Variants in SECTM1 observed in about 807,000 individuals in gnomAD.
SECTM1 encodes secreted and transmembrane 1.
In SECTM1, 10 loss-of-function variants were observed where a neutral mutation model predicts 18.1. That is an observed-to-expected ratio of 0.55 (90% CI 0.34 to 0.94). The LOEUF is 0.94. Ranked by LOEUF, SECTM1 falls within the 40% of genes least tolerant of loss-of-function variation. SECTM1 has a pLI of 0.02. For synonymous variants in SECTM1, 137 were observed against 139.2 expected (o/e 0.98, Z 0.11); for missense variants, 297 against 322.6 (o/e 0.92, Z 0.61).
In SECTM1 at chr17:82,324,640, G is replaced by A. The variant is rs1430008793; in HGVS notation, c.345C>T (p.Tyr115=). ...TCTGGTGTCCCACGAGGTGCCACAT[G>A]TACAGCCCAGCATGGGAGTCCCGGG... ...KGARDSHAGL[Y]MWHLVGHQRN... The change falls in exon 3 of 5, where the codon TAC becomes TAT. Residue 115 remains tyrosine, a synonymous_variant. Transcript: ENST00000269389. 1.9e-6 allele frequency: 3 copies of A among 1,613,394 alleles called. No individual in the cohort carries two copies. Among genetic ancestry groups the A allele is most frequent in the East Asian group, 2.2e-5 (1 of 44,864 alleles).
Position 82,324,826 on chromosome 17 carries a change from C to T in SECTM1, c.159G>A (p.Met53Ile). The T allele has an allele frequency of 1.2e-6, 2 of 1,614,092 alleles. No individual in the cohort carries two copies. Among genetic ancestry groups the T allele is most frequent in the South Asian group, 1.1e-5 (1 of 91,074 alleles). ...VSVSWGENTV[M>I]SCNISNAFSH... Reference sequence around the variant, plus strand: ...AGAAGGCGTTGGAGATGTTGCAGGACATGACGGTGTTCTCGCCCCAAGACA... The same window carrying T: ...AGAAGGCGTTGGAGATGTTGCAGGATATGACGGTGTTCTCGCCCCAAGACA... The change falls in exon 3 of 5, where the codon ATG becomes ATA. Residue 53 changes from methionine to isoleucine, a missense_variant. By Grantham distance (10) the Met-to-Ile change is conservative. Transcript: ENST00000269389.
At chr17:82,323,135 G>A (rs1229088271) in intron 3 of SECTM1, 124 bp from the exon 4 acceptor site, 11 of 1,186,748 alleles carry the variant, frequency 9.3e-6, no homozygotes, top group South Asian at 7.7e-5. Context: ...CTTGGAAGAC[G>A]GCACCGCCGT....
intron 1 of SECTM1, among the ~76,000 whole-genome samples, chr17:82,331,011 T>G (rs1158504435): frequency 6.6e-6 from 1 of 152,138 alleles, no homozygotes; most frequent in Non-Finnish European, 1.5e-5. Flanking sequence ...CGGTCCTCCC[T>G]TCCTCCCAGC....
rs146378481 is a variant in SECTM1 at position 82,324,468 on chromosome 17, CTCT to C, written c.403+111_403+113del. On this transcript the variant is annotated intron_variant, in intron 3 of 4. Coordinates refer to ENST00000269389, the MANE Select transcript of SECTM1 (RefSeq NM_003004.3). ...CTCCTGGCAGCCCGGCTCATGCCTG[CTCT>C]TCTTCCTCCTCCTTCCCTCTCAGTC... 12,850 of 1,156,184 alleles carry C rather than the reference CTCT, an allele frequency of 0.011. 928 individuals are homozygous for C. The African/African-American group carries it at 0.16, about 14-fold the overall frequency. The allele number at this position is 1,156,184 out of a possible 1,614,324, so 71.6% of individuals were successfully genotyped here.
chr17:82,333,870 G>A (rs2052214469), upstream of SECTM1: 1 of 152,282 alleles, frequency 6.6e-6, no homozygotes, highest in Admixed American at 6.5e-5. Flanking sequence ...CCAAGTTTCG[G>A]GAACCACCCG....
intron 3 of SECTM1, 90 bp downstream of exon 3, chr17:82,324,492 C>G: frequency 7.9e-7 from 1 of 1,264,112 alleles, no homozygotes; most frequent in South Asian, 1.5e-5. Context: ...CCTTCCCTCT[C>G]AGTCTCAGCC....
intron 3 of SECTM1, 146 bp from the exon 4 acceptor site, chr17:82,323,157 T>G: frequency 1.0e-6 from 1 of 960,058 alleles, no homozygotes; most frequent in Non-Finnish European, 1.5e-6. Context: ...GCCCAGGAGG[T>G]ACAGGGGTGG....
In SECTM1 at chr17:82,326,022, G is replaced by A. The variant is rs1227599875; in HGVS notation, c.94+1125C>T. Among the ~76,000 whole-genome samples, 1 of 152,226 alleles carries A rather than the reference G, an allele frequency of 6.6e-6. No individual in the cohort carries two copies. The highest frequency in any genetic ancestry group is 6.5e-5 in the Admixed American group (1 of 15,292). ...TGAGTTTCCTCTGACGAGCAGGCTG[G>A]CTGCCTGCCTGGACGCTCTGAGTGT... is the stretch of plus-strand genomic sequence containing the variant. On this transcript the variant is annotated intron_variant, in intron 2 of 4. Coordinates refer to ENST00000269389, the MANE Select transcript of SECTM1 (RefSeq NM_003004.3). The surrounding 1 kb of genome is among the most constrained non-coding windows in gnomAD (Gnocchi z 4.3).
In SECTM1 at chr17:82,326,240, G is replaced by A. The variant is rs534417019; in HGVS notation, c.94+907C>T. On this transcript the variant is annotated intron_variant, in intron 2 of 4. Transcript: ENST00000269389. This position sits in a 1 kb window ranked among gnomAD's most constrained non-coding sequence, Gnocchi z 4.3. ...TTCAGTTTTGTTTTGTTTTTTGTTC[G>A]TTCTTAGGATTCTGACTGAACTGCT... Among the ~76,000 whole-genome samples, 3 of 152,272 alleles carry A rather than the reference G, an allele frequency of 2.0e-5. No homozygotes were observed. The highest frequency in any genetic ancestry group is 2.4e-5 in the African/African-American group (1 of 41,540).
intron 1 of SECTM1, among the ~76,000 whole-genome samples, chr17:82,327,694 C>T (rs548772172): frequency 6.6e-6 from 1 of 152,286 alleles, no homozygotes; most frequent in East Asian, 1.9e-4. Flanking sequence ...CAGCCCCAGC[C>T]CCTCACCAAC....
rs553098842 is a variant in SECTM1, at chr17:82,325,987, C to T, written c.95-1097G>A. The stretch of plus-strand genomic sequence containing the variant: ...GTGGGCTTCAGGGGCACCTGGCCTT[C>T]GGGCTGGACTGAGTTTCCTCTGACG... On this transcript the variant is annotated intron_variant, in intron 2 of 4. Transcript: ENST00000269389. The surrounding 1 kb of genome is among the most constrained non-coding windows in gnomAD (Gnocchi z 7.6). Among the ~76,000 whole-genome samples, 2 of 152,362 alleles carry T rather than the reference C, an allele frequency of 1.3e-5. No individual in the cohort carries two copies. The highest frequency in any genetic ancestry group is 2.1e-4 in the South Asian group (1 of 4,828).
Position 82,326,828 on chromosome 17 carries a change from G to A in SECTM1, c.94+319C>T, listed in dbSNP as rs1355391852. ...GCAACTGACCCAGACCCTCTCCCTT[G>A]GAAACTGGTCGTGATCTTGGTCCTT... On this transcript the variant is annotated intron_variant, in intron 2 of 4. Coordinates refer to ENST00000269389, the MANE Select transcript of SECTM1 (RefSeq NM_003004.3). The surrounding 1 kb of genome is among the most constrained non-coding windows in gnomAD (Gnocchi z 4.3). Among the ~76,000 whole-genome samples, 2 of 151,306 alleles carry A rather than the reference G, an allele frequency of 1.3e-5. No homozygotes were observed. Among genetic ancestry groups the A allele is most frequent in the African/African-American group, 4.9e-5 (2 of 40,970 alleles).
chr17:82,325,005 G>T lies in SECTM1; in HGVS notation c.95-115C>A. ...AGACAGGGCCTCTAAGGGACACAGT[G>T]AACTATGTATACATCCACCCGACCC... On this transcript the variant is annotated intron_variant, in intron 2 of 4. Coordinates refer to ENST00000269389, the MANE Select transcript of SECTM1 (RefSeq NM_003004.3). The surrounding 1 kb of genome is among the most constrained non-coding windows in gnomAD (Gnocchi z 7.6). 1.1e-6 allele frequency: 1 copy of T among 935,918 alleles called. No homozygotes were observed. The highest frequency in any genetic ancestry group is 1.6e-6 in the Non-Finnish European group (1 of 631,732). The allele number at this position is 935,918 out of a possible 1,614,324, so 58.0% of individuals were successfully genotyped here.
chr17:82,331,349 GCT>G (rs1256214272), intron 1 of SECTM1, among the ~76,000 whole-genome samples: 6 of 152,180 alleles, frequency 3.9e-5, no homozygotes, highest in East Asian at 1.9e-4. Flanking sequence ...CGTGGCCCCA[GCT>G]CTGTCTGGGC....
Position 82,325,826 on chromosome 17 carries a change from C to T in SECTM1, c.95-936G>A, listed in dbSNP as rs555307409. Among the ~76,000 whole-genome samples, 12 of 152,328 alleles carry T rather than the reference C, an allele frequency of 7.9e-5. No homozygotes were observed. The South Asian group carries it at 2.1e-3, about 26-fold the overall frequency. The stretch of plus-strand genomic sequence containing the variant: ...ACGGACGGATGGACGGACAGACGGA[C>T]GGCAGGGTGAGCTCTCGGGGAGCAC... On this transcript the variant is annotated intron_variant, in intron 2 of 4. Coordinates refer to ENST00000269389, the MANE Select transcript of SECTM1 (RefSeq NM_003004.3). This position sits in a 1 kb window ranked among gnomAD's most constrained non-coding sequence, Gnocchi z 7.6.
intron 3 of SECTM1, 183 bp from the exon 4 acceptor site, chr17:82,323,194 A>G: frequency 1.5e-6 from 1 of 646,962 alleles, no homozygotes; most frequent in Non-Finnish European, 2.6e-6. Flanking sequence ...GAGGGGGCGC[A>G]GGACCAGAGG....
intron 3 of SECTM1, 65 bp downstream of exon 3, chr17:82,324,517 G>T: frequency 3.3e-6 from 2 of 604,112 alleles, no homozygotes; most frequent in South Asian, 5.9e-5. Context: ...CCCTGCCCAG[G>T]CCCCCTCCCC....
Position 82,324,926 on chromosome 17 carries a change from C to A in SECTM1, c.95-36G>T, listed in dbSNP as rs756367227. 1.0e-5 allele frequency: 16 copies of A among 1,576,648 alleles called. No individual in the cohort carries two copies. The African/African-American group carries it at 2.0e-4, about 20-fold the overall frequency. On this transcript the variant is annotated intron_variant, in intron 2 of 4. Transcript: ENST00000269389. The stretch of plus-strand genomic sequence containing the variant: ...AGACAGAGGCACACACGGATCAGGG[C>A]TGGACCTCAGGGCATTGGCTGGCTG...
At chr17:82,331,813 G>A (rs1343992426) in intron 1 of SECTM1, among the ~76,000 whole-genome samples, 1 of 152,262 alleles carries the variant, frequency 6.6e-6, no homozygotes, top group Non-Finnish European at 1.5e-5. Flanking sequence ...AGGGAGACCA[G>A]GTACAGGGAG....
Sources: gnomAD v4.1 joint callset for allele counts (sites outside exome capture counted in the v4.1 genomes callset) on GRCh38, gnomAD v4.1.1 for gene constraint, Gnocchi (gnomAD v3.1) non-coding constraint, MANE v1.5 for transcripts, NCBI Gene and HGNC (gene_info 2026-07-23, HGNC 2026-07-21) for gene names.